The following GRK3 variants were observed in gnomAD, a reference collection of about 807,000 sequenced individuals.
GRK3 encodes the protein adrenergic, beta, receptor kinase 2.
Under a neutral mutation model 95.7 loss-of-function variants are expected in GRK3, and 54 were observed. The observed-to-expected ratio is 0.56, with a 90% CI of 0.45 to 0.71. The LOEUF is 0.71. Ranked by LOEUF, GRK3 falls within the 30% of genes least tolerant of loss-of-function variation. The pLI is 0.00. For synonymous variants in GRK3, 281 were observed against 290.8 expected (o/e 0.97, Z 0.34); for missense variants, 649 against 851.2 (o/e 0.76, Z 2.96).
intron 2 of GRK3, among the ~76,000 whole-genome samples, chr22:25,609,654 A>T (rs551648843): frequency 6.6e-5 from 10 of 152,130 alleles, no homozygotes; most frequent in African/African-American, 2.4e-4. Context: ...TAATACATGA[A>T]GTATGTAAAT....
At chr22:25,589,350 G>A (rs1307369188) in intron 1 of GRK3, among the ~76,000 whole-genome samples, 1 of 152,190 alleles carries the variant, frequency 6.6e-6, no homozygotes, top group Non-Finnish European at 1.5e-5. Context: ...CCCGTAGGGA[G>A]CAGATATCTG....
intron 2 of GRK3, among the ~76,000 whole-genome samples, chr22:25,636,601 G>A (rs964552603): frequency 3.9e-5 from 6 of 152,088 alleles, no homozygotes; most frequent in African/African-American, 1.2e-4. Flanking sequence ...TTACAGTACT[G>A]TACACAATTT....
At chr22:25,617,752 C>T (rs922739137) in intron 2 of GRK3, among the ~76,000 whole-genome samples, 5 of 152,138 alleles carry the variant, frequency 3.3e-5, no homozygotes, top group Non-Finnish European at 7.3e-5. Flanking sequence ...GAGATTCTTC[C>T]ATATTGTGGC....
intron 2 of GRK3, among the ~76,000 whole-genome samples, chr22:25,606,319 A>G (rs2084446216): frequency 6.6e-6 from 1 of 152,258 alleles, no homozygotes; most frequent in South Asian, 2.1e-4. Context: ...GTCACAGGAA[A>G]GAAGAGCAGC....
At chr22:25,669,548 C>T (rs866041672) in intron 6 of GRK3, among the ~76,000 whole-genome samples, 6 of 152,328 alleles carry the variant, frequency 3.9e-5, no homozygotes, top group Middle Eastern at 3.4e-3. Flanking sequence ...AAGTCATTTG[C>T]AAGGGCTCTA....
chr22:25,698,537 C>T (rs899437834), intron 13 of GRK3, among the ~76,000 whole-genome samples: 2 of 152,126 alleles, frequency 1.3e-5, no homozygotes, highest in African/African-American at 4.8e-5. Flanking sequence ...AATACAAAGC[C>T]TGGGAGCAGG....
chr22:25,658,166 A>C (rs1433888449), intron 3 of GRK3, among the ~76,000 whole-genome samples: 7 of 152,138 alleles, frequency 4.6e-5, no homozygotes, highest in Non-Finnish European at 8.8e-5. Context: ...CATTTGGGCT[A>C]TCTTGGATTG....
chr22:25,646,839 G>A (rs1173173020), intron 3 of GRK3, among the ~76,000 whole-genome samples: 1 of 151,952 alleles, frequency 6.6e-6, no homozygotes, highest in Non-Finnish European at 1.5e-5. Context: ...TGACCAACAT[G>A]GTGAAACCCT....
intron 1 of GRK3, among the ~76,000 whole-genome samples, chr22:25,566,086 A>G (rs557463721): frequency 1.4e-4 from 21 of 152,230 alleles, no homozygotes; most frequent in Non-Finnish European, 2.5e-4. Flanking sequence ...TGTCTGGTTA[A>G]TAGTGAGTTT....
chr22:25,648,220 G>A (rs952952960), intron 3 of GRK3: 1 of 764,368 alleles, frequency 1.3e-6, no homozygotes, highest in East Asian at 2.4e-5. Flanking sequence ...GAGGTAAGGG[G>A]TGACAATGTG....
Position 25,624,345 on chromosome 22 carries a change from C to T in GRK3, c.190+19892C>T, listed in dbSNP as rs190630154. 8.4e-4 allele frequency among the ~76,000 whole-genome samples: 128 copies of T among 152,062 alleles called. No homozygotes were observed. In the East Asian group the frequency reaches 0.022, roughly 26 times the overall value. ...TTGGGAGGCCGAGGCGGGCGGATCA[C>T]GAGGTCAGGAGATCGAGACCATCCT... is the stretch of plus-strand genomic sequence containing the variant. On this transcript the variant is annotated intron_variant, in intron 2 of 20. Coordinates refer to ENST00000324198, the MANE Select transcript of GRK3 (RefSeq NM_005160.4).
chr22:25,616,293 G>A (rs2084537739), intron 2 of GRK3, among the ~76,000 whole-genome samples: 1 of 152,082 alleles, frequency 6.6e-6, no homozygotes, highest in Non-Finnish European at 1.5e-5. Context: ...CTAAGAGGAA[G>A]CATGACTGGG....
rs369235167 is a variant in GRK3, at chr22:25,577,478, A to G, written c.113+12325A>G. On this transcript the variant is annotated intron_variant, in intron 1 of 20. Transcript: ENST00000324198. ...GCATGAGCCACCGTGCCTGGCCCGT[A>G]AAGGATTTTTAATGTTAAACTTGGC... Among the ~76,000 whole-genome samples, 4 of 152,262 alleles carry G rather than the reference A, an allele frequency of 2.6e-5. No homozygotes were observed. In the East Asian group the frequency reaches 5.8e-4, roughly 22 times the overall value.
At chr22:25,587,398 T>G (rs1932351521) in intron 1 of GRK3, among the ~76,000 whole-genome samples, 1 of 152,198 alleles carries the variant, frequency 6.6e-6, no homozygotes, top group African/African-American at 2.4e-5. Flanking sequence ...AAATGGATTC[T>G]GAAATGATTC....
At chr22:25,621,918 G>T (rs1180253469) in intron 2 of GRK3, among the ~76,000 whole-genome samples, 1 of 152,142 alleles carries the variant, frequency 6.6e-6, no homozygotes, top group Non-Finnish European at 1.5e-5. Context: ...CTCCCCAAGG[G>T]GCTTTTATTG....
intron 3 of GRK3, chr22:25,648,461 A>T (rs138465657): frequency 7.5e-7 from 1 of 1,327,480 alleles, no homozygotes; most frequent in East Asian, 2.3e-5. Context: ...TAGGACAAGG[A>T]TGTTTTGGCA....
chr22:25,617,553 T>C (rs2084549092), intron 2 of GRK3, among the ~76,000 whole-genome samples: 1 of 152,240 alleles, frequency 6.6e-6, no homozygotes, highest in Non-Finnish European at 1.5e-5. Flanking sequence ...ATTTCCATAA[T>C]ATGCATTTCC....
chr22:25,677,645 A>G (rs987606560), intron 8 of GRK3, among the ~76,000 whole-genome samples: 1 of 152,240 alleles, frequency 6.6e-6, no homozygotes, highest in East Asian at 1.9e-4. Flanking sequence ...TTGTTTTTAT[A>G]TAACTTAAAC....
intron 6 of GRK3, among the ~76,000 whole-genome samples, chr22:25,671,036 T>C (rs376931210): frequency 7.7e-6 from 1 of 129,512 alleles, no homozygotes; most frequent in East Asian, 2.5e-4. Context: ...TCTGGGGACA[T>C]AGCAAGACTC....
Sources: gnomAD v4.1 joint callset for allele counts (sites outside exome capture counted in the v4.1 genomes callset) on GRCh38, gnomAD v4.1.1 for gene constraint, MANE v1.5 for transcripts, NCBI Gene and HGNC (gene_info 2026-07-23, HGNC 2026-07-21) for gene names.